ALK: variants seen among roughly 807,000 people sequenced by gnomAD.
ALK encodes the protein ALK receptor tyrosine kinase.
Under a neutral mutation model 163.1 loss-of-function variants are expected in ALK, and 74 were observed. The observed-to-expected ratio is 0.45, with a 90% CI of 0.38 to 0.55. ALK has a LOEUF of 0.55. ALK is among the 20% of genes least tolerant of loss of function. The pLI, the probability that ALK is intolerant of heterozygous loss-of-function variation, is 0.00. For synonymous variants in ALK, 960 were observed against 843.2 expected (o/e 1.14, Z -2.40); for missense variants, 2,063 against 2,105.3 (o/e 0.98, Z 0.39).
intron 3 of ALK, among the ~76,000 whole-genome samples, chr2:29,612,873 C>T (rs1232842130): frequency 2.0e-5 from 3 of 152,142 alleles, no homozygotes; most frequent in South Asian, 2.1e-4. Flanking sequence ...GTAGTACCTT[C>T]GGAATTTTAG....
chr2:29,677,187 C>CTCCCTCCT (rs1215966399), intron 3 of ALK, among the ~76,000 whole-genome samples: 8 of 149,568 alleles, frequency 5.3e-5, no homozygotes, highest in African/African-American at 2.0e-4. Context: ...TTTTGGTTCT[C>CTCCCTCCT]TCCCTCCTTC....
At chr2:29,704,130 A>C (rs2541203) in intron 2 of ALK, among the ~76,000 whole-genome samples, 1 of 151,974 alleles carries the variant, frequency 6.6e-6, no homozygotes. Context: ...AACATCATGC[A>C]TACACGGCAA....
chr2:29,610,540 C>T (rs1348342061), intron 3 of ALK, among the ~76,000 whole-genome samples: 1 of 152,102 alleles, frequency 6.6e-6, no homozygotes, highest in Non-Finnish European at 1.5e-5. Context: ...AAATTCCACT[C>T]ACACCAGCCA....
At chr2:29,631,808 T>C (rs770941090) in intron 3 of ALK, among the ~76,000 whole-genome samples, 2 of 152,240 alleles carry the variant, frequency 1.3e-5, no homozygotes, top group Admixed American at 6.5e-5. Context: ...TCCCATTCCA[T>C]GTGTCCTACC....
chr2:29,503,065 G>A lies in ALK; in HGVS notation c.1154+28850C>T, dbSNP rs1236120228. 2.0e-5 allele frequency among the ~76,000 whole-genome samples: 3 copies of A among 152,250 alleles called. No homozygotes were observed. The East Asian group carries it at 5.8e-4, about 29-fold the overall frequency. ...GACGTGGAACTCTTCAAGGGATGAT[G>A]TCTTCGCAGTTGTAACTCAAGTGCC... On this transcript the variant is annotated intron_variant, in intron 4 of 28. Coordinates refer to ENST00000389048, the MANE Select transcript of ALK (RefSeq NM_004304.5).
intron 18 of ALK, among the ~76,000 whole-genome samples, 184 bp downstream of exon 18, chr2:29,226,738 C>T (rs1212498206): frequency 6.6e-6 from 1 of 152,134 alleles, no homozygotes; most frequent in Non-Finnish European, 1.5e-5. Flanking sequence ...TTTTAAGACT[C>T]CTTCAGGAGC....
intron 1 of ALK, among the ~76,000 whole-genome samples, chr2:29,856,809 C>A (rs1396833852): frequency 6.6e-6 from 1 of 152,200 alleles, no homozygotes; most frequent in Non-Finnish European, 1.5e-5. Context: ...ACTGTGGACT[C>A]ATGCTAAGAA....
At chr2:29,581,671 A>ACCCAGAGCTCCAGGAGATGGTGACCATCT in intron 3 of ALK, among the ~76,000 whole-genome samples, 1 of 152,098 alleles carries the variant, frequency 6.6e-6, no homozygotes, top group Non-Finnish European at 1.5e-5. Context: ...TTGCACCAAG[A>ACCCAGAGCTCCAGGAGATGGTGACCATCT]CCCAGAGCTC....
At chr2:29,329,401 C>A (rs1667372472) in intron 5 of ALK, among the ~76,000 whole-genome samples, 1 of 152,244 alleles carries the variant, frequency 6.6e-6, no homozygotes, top group Non-Finnish European at 1.5e-5. Context: ...GTGCCTCCTG[C>A]TACTCAGTTC....
chr2:29,504,830 G>A (rs1019913142), intron 4 of ALK, among the ~76,000 whole-genome samples: 1 of 152,162 alleles, frequency 6.6e-6, no homozygotes, highest in Non-Finnish European at 1.5e-5. Flanking sequence ...AAATGTTATT[G>A]CGGTTTTTGC....
At chr2:29,840,941 C>T (rs1572426172) in intron 1 of ALK, among the ~76,000 whole-genome samples, 1 of 152,142 alleles carries the variant, frequency 6.6e-6, no homozygotes, top group African/African-American at 2.4e-5. Context: ...GATACGGCTA[C>T]TGTTATCTTT....
chr2:29,605,675 G>T (rs981129771), intron 3 of ALK, among the ~76,000 whole-genome samples: 3 of 152,146 alleles, frequency 2.0e-5, no homozygotes, highest in Admixed American at 1.3e-4. Flanking sequence ...ACCAGAAACC[G>T]GCCATGTGAG....
chr2:29,741,846 T>A (rs1680069186), intron 1 of ALK, among the ~76,000 whole-genome samples: 1 of 152,058 alleles, frequency 6.6e-6, no homozygotes. Context: ...CCCTAGTGGG[T>A]AAAGGCTGGC....
rs368484630 is a variant in ALK at position 29,193,606 on chromosome 2, C to T, written c.4481G>A (p.Gly1494Glu). ...CAAGCTGGTGGGCTTGTTTCTGGAT[C>T]CGTGGACCTTGTGCAACTCCGAAGG... The part of the protein sequence containing the change: ...NPPSELHKVH[G>E]SRNKPTSLWN... The change falls in exon 29 of 29, where the codon GGA becomes GAA. Residue 1494 changes from glycine to glutamate, a missense_variant. By Grantham distance (98) the Gly-to-Glu change is moderately conservative. Around this residue, in one of 5 missense-constraint regions of ALK, gnomAD observed 403 missense variants for 366.2 expected, o/e 1.10. Transcript: ENST00000389048. The T allele has an allele frequency of 8.4e-5, 136 of 1,614,114 alleles. No homozygotes were observed. Among genetic ancestry groups the T allele is most frequent in the Non-Finnish European group, 1.0e-4 (123 of 1,180,046 alleles).
intron 11 of ALK, among the ~76,000 whole-genome samples, chr2:29,263,097 T>C (rs752918682): frequency 1.3e-5 from 2 of 152,158 alleles, no homozygotes; most frequent in African/African-American, 2.4e-5. Context: ...CATAATGGAT[T>C]TGGTTTTGAG....
intron 9 of ALK, 108 bp downstream of exon 9, chr2:29,296,780 T>A: frequency 3.0e-6 from 4 of 1,355,366 alleles, no homozygotes; most frequent in Non-Finnish European, 4.2e-6. Flanking sequence ...TGTGGGCACA[T>A]CTGCATGTGT....
intron 11 of ALK, among the ~76,000 whole-genome samples, chr2:29,257,582 C>T (rs930681251): frequency 1.1e-4 from 17 of 152,210 alleles, no homozygotes; most frequent in Non-Finnish European, 1.5e-5. Context: ...AAGGAAAGTT[C>T]TCGATCGTCA....
chr2:29,210,613 T>C (rs1307663679), intron 24 of ALK, among the ~76,000 whole-genome samples: 1 of 152,140 alleles, frequency 6.6e-6, no homozygotes. Flanking sequence ...TTTGTATTTT[T>C]AGTAGAGACA....
At chr2:29,413,172 G>C (rs1447932035) in intron 4 of ALK, among the ~76,000 whole-genome samples, 1 of 152,144 alleles carries the variant, frequency 6.6e-6, no homozygotes, top group Non-Finnish European at 1.5e-5. Context: ...AACAACATGA[G>C]ACTAAATCAA....
Sources: allele counts gnomAD v4.1 joint callset (sites outside exome capture counted in the v4.1 genomes callset), GRCh38; gene constraint gnomAD v4.1.1; regional missense constraint gnomAD v4.1.1; transcripts MANE v1.5; gene names NCBI Gene and HGNC (gene_info 2026-07-23, HGNC 2026-07-21).